NBEA: variants seen among roughly 807,000 people sequenced by gnomAD.
NBEA encodes neurobeachin, also known as lysosomal-trafficking regulator 2.
NBEA carries 44 observed loss-of-function variants against 343.4 expected under a neutral mutation model. The observed-to-expected ratio is 0.13, with a 90% CI of 0.10 to 0.16. The LOEUF (loss-of-function observed/expected upper bound fraction) is 0.16, where lower values mean the gene tolerates loss of function less well. NBEA is among the 10% of genes least tolerant of loss of function. NBEA has a pLI of 1.00. For synonymous variants in NBEA, 1,175 were observed against 1,238.7 expected, an observed-to-expected ratio of 0.95 and a Z score of 1.08; for missense variants, 2,555 against 3,631.3, an observed-to-expected ratio of 0.70 and a Z score of 7.62.
intron 11 of NBEA, 121 bp downstream of exon 11, chr13:35,098,526 A>G (rs1016939951): frequency 2.0e-5 from 12 of 598,002 alleles, no homozygotes; most frequent in South Asian, 2.9e-5. Context: ...ACTATTTGCT[A>G]ATTCACAAAC....
At chr13:35,174,127 C>T (rs961509816) in intron 27 of NBEA, among the ~76,000 whole-genome samples, 1 of 152,036 alleles carries the variant, frequency 6.6e-6, no homozygotes, top group Non-Finnish European at 1.5e-5. Flanking sequence ...AGCTCTCAGC[C>T]CTTTACCCTT....
At chr13:35,210,493 G>A (rs373498294) in intron 32 of NBEA, among the ~76,000 whole-genome samples, 3 of 152,036 alleles carry the variant, frequency 2.0e-5, no homozygotes, top group Non-Finnish European at 2.9e-5. Flanking sequence ...ATATACTTAC[G>A]TGGCATATGA....
chr13:35,045,940 T>G (rs1482993870), intron 4 of NBEA, among the ~76,000 whole-genome samples: 1 of 152,092 alleles, frequency 6.6e-6, no homozygotes, highest in African/African-American at 2.4e-5. Context: ...TTGGCCAGGC[T>G]GCTCTCAAAC....
At chr13:35,574,705 G>A (rs2080644343) in intron 45 of NBEA, among the ~76,000 whole-genome samples, 1 of 151,846 alleles carries the variant, frequency 6.6e-6, no homozygotes, top group Admixed American at 6.6e-5. Context: ...GAGCAACATA[G>A]CCAAACCCTG....
At chr13:35,449,443 AG>A (rs2046196281) in intron 39 of NBEA, among the ~76,000 whole-genome samples, 1 of 151,974 alleles carries the variant, frequency 6.6e-6, no homozygotes, top group African/African-American at 2.4e-5. Flanking sequence ...GAGGAGGAGA[AG>A]GAGCAAGAGA....
chr13:35,010,765 T>A lies in NBEA; in HGVS notation c.295-30168T>A, dbSNP rs1248733334. Among the ~76,000 whole-genome samples, 10 of 110,278 alleles carry A rather than the reference T, an allele frequency of 9.1e-5. 2 individuals are homozygous for A. The highest frequency in any genetic ancestry group is 5.8e-4 in the Admixed American group (6 of 10,278). The allele number at this position is 110,278 out of a possible 152,430, so 72.3% of individuals were successfully genotyped here. On this transcript the variant is annotated intron_variant, in intron 1 of 58. Coordinates refer to ENST00000379939, the MANE Select transcript of NBEA (RefSeq NM_001385012.1). ...AAATATATATATATATATATATATA[T>A]ATATATATATATATAAGCTGGGTGT...
At chr13:35,605,760 A>G (rs1388618024) in intron 47 of NBEA, among the ~76,000 whole-genome samples, 2 of 152,200 alleles carry the variant, frequency 1.3e-5, no homozygotes, top group East Asian at 1.9e-4. Flanking sequence ...TGTTTATGCT[A>G]CAGTTACATA....
chr13:35,107,345 A>C (rs993285076), intron 11 of NBEA, among the ~76,000 whole-genome samples: 1 of 151,854 alleles, frequency 6.6e-6, no homozygotes, highest in African/African-American at 2.4e-5. Context: ...TTTTCATTGA[A>C]AATTATGTAC....
At position 35,110,235 on chromosome 13, in the gene NBEA, A is replaced by C. The variant is rs554598386; in HGVS notation, c.1834-575A>C. 4.4e-4 allele frequency among the ~76,000 whole-genome samples: 58 copies of C among 131,210 alleles called. 1 individual carries two copies. In the Admixed American group the frequency reaches 5.1e-3, roughly 12 times the overall value. 86.1% of individuals were successfully genotyped at this position (131,210 alleles called of 152,430 possible). ...CCCGAAAGAAGACATTTATGCAGCC[A>C]AAAAACACATGAAGAAATGCTCATC... On this transcript the variant is annotated intron_variant, in intron 12 of 58. Coordinates refer to ENST00000379939, the MANE Select transcript of NBEA (RefSeq NM_001385012.1).
At chr13:34,965,783 A>G (rs548098261) in intron 1 of NBEA, among the ~76,000 whole-genome samples, 1 of 152,128 alleles carries the variant, frequency 6.6e-6, no homozygotes, top group African/African-American at 2.4e-5. Flanking sequence ...AATTAAGGTA[A>G]TGCATTAAAT....
intron 38 of NBEA, among the ~76,000 whole-genome samples, chr13:35,403,843 C>T (rs1178369910): frequency 2.0e-5 from 3 of 152,190 alleles, no homozygotes; most frequent in African/African-American, 4.8e-5. Flanking sequence ...AGAAAATTTT[C>T]GCGACCTACT....
At chr13:34,947,792 C>T (rs946053421) in intron 1 of NBEA, among the ~76,000 whole-genome samples, 3 of 152,128 alleles carry the variant, frequency 2.0e-5, no homozygotes, top group African/African-American at 7.2e-5. Flanking sequence ...TTCAACATTA[C>T]GGTCCAGACT....
At chr13:35,221,472 C>CT (rs1386807204) in intron 33 of NBEA, among the ~76,000 whole-genome samples, 1 of 152,054 alleles carries the variant, frequency 6.6e-6, no homozygotes, top group African/African-American at 2.4e-5. Flanking sequence ...AGAGCTACCT[C>CT]TGTCATCTTG....
intron 47 of NBEA, among the ~76,000 whole-genome samples, chr13:35,603,797 C>T (rs1190251073): frequency 4.6e-5 from 7 of 152,166 alleles, no homozygotes. Flanking sequence ...CACAAGCTTA[C>T]GTTCCTTCCC....
chr13:35,236,606 C>T (rs2075246801), intron 34 of NBEA, among the ~76,000 whole-genome samples: 1 of 150,944 alleles, frequency 6.6e-6, no homozygotes, highest in African/African-American at 2.4e-5. Context: ...GCCACCACGC[C>T]CAGATATATA....
intron 34 of NBEA, among the ~76,000 whole-genome samples, chr13:35,271,551 CT>C (rs1278338753): frequency 2.0e-5 from 3 of 152,050 alleles, no homozygotes; most frequent in African/African-American, 7.2e-5. Flanking sequence ...TAGTAATAAA[CT>C]TCTCCGAGCT....
intron 42 of NBEA, 40 bp from the exon 43 acceptor site, chr13:35,550,877 GGCTAACTTATCCT>G: frequency 1.8e-6 from 2 of 1,108,420 alleles, no homozygotes; most frequent in Non-Finnish European, 2.7e-6. Context: ...TAAAATTGAT[GGCTAACTTATCCT>G]GCGGTTTTCT....
In NBEA at chr13:35,159,707, G is replaced by T; in HGVS notation, c.3536G>T (p.Gly1179Val). ...PNIQDTQVHL[G>V]VSDDLGLLAH... ...ATTCAGGACACACAAGTACATCTTGGTGTTAGTGATGATCTTGGATTGCTT... is the reference window on the plus strand; with the variant it reads ...ATTCAGGACACACAAGTACATCTTGTTGTTAGTGATGATCTTGGATTGCTT... The change falls in exon 22 of 59, where the codon GGT becomes GTT. Residue 1179 changes from glycine (G) to valine (V), a missense_variant. Physicochemically the swap from Gly to Val is moderately radical, Grantham distance 109. Around this residue, in one of 21 missense-constraint regions of NBEA, gnomAD observed 367 missense variants for 377.5 expected, o/e 0.97. Coordinates refer to ENST00000379939, the MANE Select transcript of NBEA (RefSeq NM_001385012.1). The T allele has an allele frequency of 6.2e-7, 1 of 1,613,104 alleles. No individual in the cohort carries two copies. Among genetic ancestry groups the T allele is most frequent in the Non-Finnish European group, 8.5e-7 (1 of 1,179,574 alleles).
chr13:35,205,518 C>T (rs1234548851), intron 31 of NBEA, among the ~76,000 whole-genome samples: 1 of 152,108 alleles, frequency 6.6e-6, no homozygotes, highest in Admixed American at 6.6e-5. Context: ...TCCTTTCAGC[C>T]TTTCCTCATA....
Sources: gnomAD v4.1 joint callset for allele counts (sites outside exome capture counted in the v4.1 genomes callset) on GRCh38, gnomAD v4.1.1 for gene constraint, gnomAD v4.1.1 regional missense constraint, MANE v1.5 for transcripts, NCBI Gene and HGNC (gene_info 2026-07-23, HGNC 2026-07-21) for gene names.